The following KCNQ5 variants were observed in gnomAD, a reference collection of about 807,000 sequenced individuals.
The protein encoded by KCNQ5 is potassium voltage-gated channel subfamily Q member 5, also known as potassium voltage-gated channel subfamily KQT member 5.
Under a neutral mutation model 98.2 loss-of-function variants are expected in KCNQ5, and 30 were observed. The observed-to-expected ratio is 0.31, with a 90% confidence interval of 0.23 to 0.41. The LOEUF (loss-of-function observed/expected upper bound fraction) is 0.41. Ranked by LOEUF, KCNQ5 falls within the 10% of genes least tolerant of loss-of-function variation. The probability of loss-of-function intolerance (pLI) is 1.00; values close to 1 mark genes in which losing one functional copy is unlikely to be tolerated. For synonymous variants in KCNQ5, 458 were observed against 449.4 expected, an observed-to-expected ratio of 1.02 and a Z score of -0.24; for missense variants, 835 against 1,182.5, an observed-to-expected ratio of 0.71 and a Z score of 4.31.
intron 1 of KCNQ5, among the ~76,000 whole-genome samples, chr6:72,768,755 CTG>C (rs138166404): frequency 7.3e-5 from 11 of 151,538 alleles, no homozygotes; most frequent in Admixed American, 2.6e-4. Flanking sequence ...TTTAAAACCA[CTG>C]TGTGTGTGTG....
In KCNQ5 at chr6:73,055,751, A is replaced by G. The variant is rs921681293; in HGVS notation, c.616+13689A>G. ...CATTCTCATTGTCTATGAATTGGAC[A>G]AGAACTTGAAGCCCATCAAGCCCAG... On this transcript the variant is annotated intron_variant, in intron 3 of 13. Coordinates refer to ENST00000370398, the MANE Select transcript of KCNQ5 (RefSeq NM_019842.4). 7 of 1,024,332 alleles carry G rather than the reference A, an allele frequency of 6.8e-6. No individual in the cohort carries two copies. In the African/African-American group the frequency reaches 1.1e-4, roughly 16 times the overall value. 63.5% of individuals were successfully genotyped at this position (1,024,332 alleles called of 1,614,324 possible).
chr6:72,823,774 G>A (rs556367894), intron 1 of KCNQ5, among the ~76,000 whole-genome samples: 4 of 152,004 alleles, frequency 2.6e-5, no homozygotes, highest in South Asian at 4.2e-4. Context: ...AAAGAACATT[G>A]GAGTGAAAAA....
At chr6:72,682,114 T>C (rs1398121063) in intron 1 of KCNQ5, among the ~76,000 whole-genome samples, 3 of 152,210 alleles carry the variant, frequency 2.0e-5, no homozygotes, top group African/African-American at 7.2e-5. Flanking sequence ...CCTTAGATAT[T>C]TTAATGCTTG....
chr6:72,917,713 C>T (rs766742382), intron 1 of KCNQ5, among the ~76,000 whole-genome samples: 26 of 151,926 alleles, frequency 1.7e-4, no homozygotes, highest in Non-Finnish European at 3.2e-4. Context: ...CCTCGTGATC[C>T]GCCTGCCTCA....
intron 1 of KCNQ5, among the ~76,000 whole-genome samples, chr6:72,823,095 T>G (rs901963748): frequency 6.6e-6 from 1 of 152,168 alleles, no homozygotes. Context: ...AACATATTTA[T>G]AGGTTCCAGG....
In KCNQ5 at chr6:72,622,273, C is replaced by CG; in HGVS notation, c.90dup (p.Arg31AlafsTer69). ...GCGGCGCAGCGGCGGCGGCGGCGGGCGGGGGGCGCTTGGGCAGCGGCATGA... is the reference window on the plus strand; with the variant it reads ...GCGGCGCAGCGGCGGCGGCGGCGGGCGGGGGGGCGCTTGGGCAGCGGCATGA... On this transcript the variant is annotated frameshift_variant, in exon 1 of 14. Transcript: ENST00000370398. LOFTEE classifies it high-confidence loss of function. The surrounding 1 kb of genome is among the most constrained non-coding windows in gnomAD (Gnocchi z 6.0). The CG allele has an allele frequency of 1.6e-6, 2 of 1,275,976 alleles. No homozygotes were observed. Among genetic ancestry groups the CG allele is most frequent in the Non-Finnish European group, 2.0e-6 (2 of 1,015,222 alleles). 79.0% of individuals were successfully genotyped at this position (1,275,976 alleles called of 1,614,324 possible). A position where few individuals can be genotyped will look rare whatever the true frequency, so the allele number is the denominator to read the frequency against.
At chr6:72,814,449 A>T (rs564594447) in intron 1 of KCNQ5, among the ~76,000 whole-genome samples, 1 of 152,214 alleles carries the variant, frequency 6.6e-6, no homozygotes, top group Non-Finnish European at 1.5e-5. Flanking sequence ...TCCTGTGAAG[A>T]TTACTTAGAA....
At position 73,133,780 on chromosome 6, in the gene KCNQ5, G is replaced by A. The variant is rs1219590163; in HGVS notation, c.1468+139G>A. On this transcript the variant is annotated intron_variant, in intron 10 of 13. Coordinates refer to ENST00000370398, the MANE Select transcript of KCNQ5 (RefSeq NM_019842.4). ...GAAAGAATTGTTTGTTTGTTTTATT[G>A]GAAGTTTATTCATTGCCTTGGGCAA... The A allele has an allele frequency of 3.5e-6, 3 of 867,078 alleles. No individual in the cohort carries two copies. In the African/African-American group the frequency reaches 5.1e-5, roughly 15 times the overall value. The allele number at this position is 867,078 out of a possible 1,614,324, so 53.7% of individuals were successfully genotyped here. A position where few individuals can be genotyped will look rare whatever the true frequency, so the allele number is the denominator to read the frequency against.
At chr6:73,038,897 T>C (rs1014426687) in intron 2 of KCNQ5, among the ~76,000 whole-genome samples, 3 of 152,158 alleles carry the variant, frequency 2.0e-5, no homozygotes, top group Admixed American at 6.5e-5. Context: ...CTCTATTTTC[T>C]GGGAGAAATT....
chr6:72,966,232 G>A (rs1007850544), intron 1 of KCNQ5, among the ~76,000 whole-genome samples: 4 of 152,028 alleles, frequency 2.6e-5, no homozygotes, highest in South Asian at 2.1e-4. Flanking sequence ...AATAAGGTTC[G>A]AATCAAAAAT....
intron 1 of KCNQ5, among the ~76,000 whole-genome samples, chr6:72,915,436 T>A (rs556454529): frequency 2.9e-3 from 429 of 150,496 alleles, no homozygotes; most frequent in Admixed American, 4.7e-3. Context: ...TTTGTTCTTT[T>A]AAAAAAAAAA....
At chr6:73,055,411 T>C in intron 3 of KCNQ5, 1 of 1,519,214 alleles carries the variant, frequency 6.6e-7, no homozygotes, top group South Asian at 1.1e-5. Flanking sequence ...CAAAACATAG[T>C]GAAGCCCAGG....
At chr6:73,193,798 G>C (rs1765686630) in intron 13 of KCNQ5, among the ~76,000 whole-genome samples, 1 of 151,296 alleles carries the variant, frequency 6.6e-6, no homozygotes, top group African/African-American at 2.4e-5. Flanking sequence ...TCTTCATAGA[G>C]GAGACTTAGG....
intron 5 of KCNQ5, among the ~76,000 whole-genome samples, chr6:73,087,984 A>C (rs530233955): frequency 1.0e-4 from 15 of 149,928 alleles, no homozygotes; most frequent in African/African-American, 3.7e-4. Flanking sequence ...TCTTTTTCTC[A>C]ATGCTCATTG....
At chr6:72,666,253 G>A (rs1246980325) in intron 1 of KCNQ5, among the ~76,000 whole-genome samples, 9 of 151,990 alleles carry the variant, frequency 5.9e-5, no homozygotes, top group Admixed American at 5.2e-4. Flanking sequence ...ATATTAAAAA[G>A]GACTTTAATG....
At chr6:72,918,594 AT>A (rs1455989088) in intron 1 of KCNQ5, among the ~76,000 whole-genome samples, 1 of 152,036 alleles carries the variant, frequency 6.6e-6, no homozygotes, top group Non-Finnish European at 1.5e-5. Context: ...AAAGTTCCTA[AT>A]TAGAACTTCA....
intron 1 of KCNQ5, among the ~76,000 whole-genome samples, chr6:72,636,115 A>G (rs993885465): frequency 6.6e-6 from 1 of 152,188 alleles, no homozygotes; most frequent in Admixed American, 6.5e-5. Context: ...TTGAAAGTTG[A>G]CTATATACTT....
intron 1 of KCNQ5, among the ~76,000 whole-genome samples, chr6:72,984,478 G>T (rs1375235114): frequency 6.6e-6 from 1 of 152,202 alleles, no homozygotes; most frequent in East Asian, 1.9e-4. Flanking sequence ...TGCTGTGCTA[G>T]CAGTGAGCAA....
intron 5 of KCNQ5, among the ~76,000 whole-genome samples, chr6:73,086,231 C>T (rs1456502362): frequency 6.6e-6 from 1 of 152,046 alleles, no homozygotes; most frequent in African/African-American, 2.4e-5. Flanking sequence ...ACAGCCCAAG[C>T]CTCTTTGCCT....
Sources: gnomAD v4.1 joint callset for allele counts (sites outside exome capture counted in the v4.1 genomes callset) on GRCh38, gnomAD v4.1.1 for gene constraint, Gnocchi (gnomAD v3.1) non-coding constraint, MANE v1.5 for transcripts, NCBI Gene and HGNC (gene_info 2026-07-23, HGNC 2026-07-21) for gene names.